Variants in ZSWIM5 observed in about 807,000 individuals in gnomAD.
ZSWIM5 encodes zinc finger SWIM-type containing 5.
In ZSWIM5, 55 loss-of-function variants were observed where a neutral mutation model predicts 119.6. The observed-to-expected ratio is 0.46, with a 90% CI of 0.37 to 0.58. The LOEUF (loss-of-function observed/expected upper bound fraction) is 0.58. Ranked by LOEUF, ZSWIM5 falls within the 20% of genes least tolerant of loss-of-function variation. The pLI is 0.00. For missense variants in ZSWIM5, 1,193 were observed against 1,512.8 expected, an observed-to-expected ratio of 0.79 and a Z score of 3.51; for synonymous variants, 537 against 606.9, an observed-to-expected ratio of 0.88 and a Z score of 1.69.
intron 1 of ZSWIM5, among the ~76,000 whole-genome samples, chr1:45,197,300 CA>C (rs1646132432): frequency 6.6e-6 from 1 of 152,212 alleles, no homozygotes; most frequent in South Asian, 2.1e-4. Context: ...CTTTTATTCA[CA>C]AACTCCATTC....
chr1:45,071,834 T>C (rs1297887132), intron 2 of ZSWIM5, among the ~76,000 whole-genome samples: 1 of 152,210 alleles, frequency 6.6e-6, no homozygotes, highest in Non-Finnish European at 1.5e-5. Context: ...ATTCGTCTGC[T>C]GATGGACACT....
chr1:45,053,762 C>CAAAA (rs10675427), intron 4 of ZSWIM5, among the ~76,000 whole-genome samples: 31 of 91,874 alleles, frequency 3.4e-4, no homozygotes, highest in Non-Finnish European at 4.6e-4. Flanking sequence ...GACTCTGTTT[C>CAAAA]AAAAAAAAAA....
chr1:45,180,660 G>A (rs986905609), intron 1 of ZSWIM5, among the ~76,000 whole-genome samples: 1 of 152,162 alleles, frequency 6.6e-6, no homozygotes, highest in Non-Finnish European at 1.5e-5. Context: ...TGACCCCCGA[G>A]CAGCCTAACT....
intron 1 of ZSWIM5, among the ~76,000 whole-genome samples, chr1:45,093,287 TCA>T (rs1350447378): frequency 6.6e-6 from 1 of 152,250 alleles, no homozygotes; most frequent in Non-Finnish European, 1.5e-5. Flanking sequence ...TTCTAAAATT[TCA>T]GTTTTTACAG....
rs375354636 is a variant in ZSWIM5, at chr1:45,017,078, G to A, written c.*1376C>T. On this transcript the variant is annotated 3_prime_UTR_variant, in exon 14 of 14. Coordinates refer to ENST00000359600, the MANE Select transcript of ZSWIM5 (RefSeq NM_020883.2). ...CTAAAGCAGCCAATCTGATGGCAGA[G>A]GGAGATTGGTGCTTAGAAGCTTGTT... The A allele has an allele frequency of 1.3e-5, 2 of 152,282 alleles. No homozygotes were observed. The highest frequency in any genetic ancestry group is 2.9e-5 in the Non-Finnish European group (2 of 68,048). The allele number at this position is 152,282 out of a possible 1,614,324, so 9.4% of individuals were successfully genotyped here. A position where few individuals can be genotyped will look rare whatever the true frequency, so the allele number is the denominator to read the frequency against.
At chr1:45,094,886 G>C (rs1046805940) in intron 1 of ZSWIM5, among the ~76,000 whole-genome samples, 1 of 150,450 alleles carries the variant, frequency 6.6e-6, no homozygotes, top group Non-Finnish European at 1.5e-5. Flanking sequence ...AAAAGACAGA[G>C]ACAGCAGTAT....
Position 45,062,955 on chromosome 1 carries a change from T to C in ZSWIM5, c.953-2708A>G, listed in dbSNP as rs895557403. The stretch of plus-strand genomic sequence containing the variant: ...AGCATAGTACCCAATAGGTACTTTT[T>C]CAGATCTTGTCCCTTCCTTTTCTCT... On this transcript the variant is annotated intron_variant, in intron 2 of 13. Coordinates refer to ENST00000359600, the MANE Select transcript of ZSWIM5 (RefSeq NM_020883.2). Among the ~76,000 whole-genome samples the C allele has an allele frequency of 2.4e-4, 36 of 152,196 alleles. 1 individual carries two copies. Among genetic ancestry groups the C allele is most frequent in the Admixed American group, 6.5e-5 (1 of 15,280 alleles).
At chr1:45,142,135 A>G (rs1050094932) in intron 1 of ZSWIM5, among the ~76,000 whole-genome samples, 1 of 151,746 alleles carries the variant, frequency 6.6e-6, no homozygotes, top group Non-Finnish European at 1.5e-5. Context: ...ACTTGAGCCC[A>G]GGGAAGCTGA....
chr1:45,078,421 C>T (rs557507631), intron 2 of ZSWIM5, among the ~76,000 whole-genome samples: 2 of 152,288 alleles, frequency 1.3e-5, no homozygotes, highest in Non-Finnish European at 2.9e-5. Context: ...TTCTTGCAGA[C>T]CCATAGAGGT....
chr1:45,171,283 C>T (rs1160270242), intron 1 of ZSWIM5, among the ~76,000 whole-genome samples: 1 of 152,044 alleles, frequency 6.6e-6, no homozygotes, highest in Non-Finnish European at 1.5e-5. Context: ...AATACAAACG[C>T]CAAATACATT....
chr1:45,081,297 C>T (rs914484881), intron 2 of ZSWIM5, among the ~76,000 whole-genome samples: 1 of 151,106 alleles, frequency 6.6e-6, no homozygotes, highest in South Asian at 2.1e-4. Context: ...TCCCTCTCCC[C>T]ATGGTCTCCC....
chr1:45,177,943 C>G (rs886241346), intron 1 of ZSWIM5, among the ~76,000 whole-genome samples: 26 of 151,610 alleles, frequency 1.7e-4, no homozygotes, highest in Non-Finnish European at 3.7e-4. Context: ...GGGTGTTGGC[C>G]AGGCTGGTCT....
At position 45,088,420 on chromosome 1, in the gene ZSWIM5, C is replaced by T. The variant is rs1054069405; in HGVS notation, c.596-183G>A. Among the ~76,000 whole-genome samples, 9 of 152,148 alleles carry T rather than the reference C, an allele frequency of 5.9e-5. No homozygotes were observed. The highest frequency in any genetic ancestry group is 1.9e-4 in the African/African-American group (8 of 41,434). On this transcript the variant is annotated intron_variant, in intron 1 of 13. Coordinates refer to ENST00000359600, the MANE Select transcript of ZSWIM5 (RefSeq NM_020883.2). This position sits in a 1 kb window ranked among gnomAD's most constrained non-coding sequence, Gnocchi z 4.2. The stretch of plus-strand genomic sequence containing the variant: ...TCAGTTACTGCTCTGAAGAAACACA[C>T]AATATAGAAAGAGTCCTCACCCTGG...
chr1:45,190,676 C>T (rs1332597865), intron 1 of ZSWIM5, among the ~76,000 whole-genome samples: 1 of 152,156 alleles, frequency 6.6e-6, no homozygotes, highest in Admixed American at 6.5e-5. Context: ...GCTATGTCCT[C>T]CTCCATGAGC....
chr1:45,176,492 T>G (rs998731447), intron 1 of ZSWIM5, among the ~76,000 whole-genome samples: 1 of 152,144 alleles, frequency 6.6e-6, no homozygotes, highest in African/African-American at 2.4e-5. Flanking sequence ...CTTGAACTCA[T>G]GACCTCAGGT....
Position 45,196,023 on chromosome 1 carries a change from ACACC to A in ZSWIM5, c.595+9729_595+9732del, listed in dbSNP as rs143928048. Among the ~76,000 whole-genome samples, 1,006 of 142,242 alleles carry A rather than the reference ACACC, an allele frequency of 7.1e-3. 21 individuals are homozygous for A. The highest frequency in any genetic ancestry group is 0.025 in the African/African-American group (965 of 38,614). The allele number at this position is 142,242 out of a possible 152,430, so 93.3% of individuals were successfully genotyped here. A position where few individuals can be genotyped will look rare whatever the true frequency, so the allele number is the denominator to read the frequency against. On this transcript the variant is annotated intron_variant, in intron 1 of 13. Transcript: ENST00000359600. ...GCCGGGACTACAGGTGAGCACCGTTACACCCAGCTAGTTTTTTTTTTTTTTTTTT... is the reference window on the plus strand; with the variant it reads ...GCCGGGACTACAGGTGAGCACCGTTACAGCTAGTTTTTTTTTTTTTTTTTT...
chr1:45,138,003 T>G (rs1413944530), intron 1 of ZSWIM5, among the ~76,000 whole-genome samples: 1 of 151,970 alleles, frequency 6.6e-6, no homozygotes, highest in Non-Finnish European at 1.5e-5. Flanking sequence ...GTGGAAAGGG[T>G]TGGAAGCAGT....
intron 1 of ZSWIM5, among the ~76,000 whole-genome samples, chr1:45,119,428 T>G (rs148992372): frequency 1.1e-3 from 169 of 152,344 alleles, no homozygotes; most frequent in African/African-American, 2.7e-3. Context: ...CACTGCACTT[T>G]ACTCTTTTCT....
intron 1 of ZSWIM5, among the ~76,000 whole-genome samples, chr1:45,185,951 C>A (rs549545465): frequency 1.3e-5 from 2 of 152,206 alleles, no homozygotes; most frequent in East Asian, 1.9e-4. Flanking sequence ...CACATGCACA[C>A]GTATGTTTAT....
Sources: gnomAD v4.1 joint callset for allele counts (sites outside exome capture counted in the v4.1 genomes callset) on GRCh38, gnomAD v4.1.1 for gene constraint, Gnocchi (gnomAD v3.1) non-coding constraint, MANE v1.5 for transcripts, NCBI Gene and HGNC (gene_info 2026-07-23, HGNC 2026-07-21) for gene names.